Variants in GPM6A observed in about 807,000 individuals in gnomAD.
GPM6A encodes the protein glycoprotein M6A, also known as neuronal membrane glycoprotein M6-a.
In GPM6A, 7 loss-of-function variants were observed where a neutral mutation model predicts 32.1. That is an observed-to-expected ratio of 0.22 (90% CI 0.12 to 0.41). GPM6A has a LOEUF of 0.41. Among genes scored for constraint, GPM6A ranks in the 10% least tolerant of loss-of-function variants. The pLI, the probability that GPM6A is intolerant of heterozygous loss-of-function variation, is 1.00. For missense variants in GPM6A, 235 were observed against 347.2 expected, an observed-to-expected ratio of 0.68 and a Z score of 2.57; for synonymous variants, 130 against 123.4, an observed-to-expected ratio of 1.05 and a Z score of -0.35.
chr4:175,787,661 C>T (rs2111266599), intron 1 of GPM6A: 1 of 1,162,728 alleles, frequency 8.6e-7, no homozygotes, highest in Non-Finnish European at 1.1e-6. Context: ...CCTAGTCAGA[C>T]AAATTTAATA....
intron 1 of GPM6A, chr4:175,947,554 A>G (rs574148450): frequency 6.6e-6 from 1 of 152,300 alleles, no homozygotes; most frequent in African/African-American, 2.4e-5. Flanking sequence ...AAAGCACATC[A>G]TAAATCCCAC....
chr4:175,635,223 C>T (rs924800188), intron 6 of GPM6A, among the ~76,000 whole-genome samples, 166 bp from the exon 7 acceptor site: 1 of 152,092 alleles, frequency 6.6e-6, no homozygotes, highest in Non-Finnish European at 1.5e-5. Context: ...AATATATTTT[C>T]ATTCCTCCAA....
chr4:175,935,811 T>C (rs1017272041), intron 1 of GPM6A, among the ~76,000 whole-genome samples: 18 of 152,078 alleles, frequency 1.2e-4, no homozygotes, highest in African/African-American at 4.3e-4. Flanking sequence ...TTATAGTGGA[T>C]GTTCAAGAGT....
chr4:175,841,662 C>T (rs1447368572), intron 1 of GPM6A, among the ~76,000 whole-genome samples: 5 of 152,016 alleles, frequency 3.3e-5, no homozygotes, highest in Non-Finnish European at 5.9e-5. Flanking sequence ...AAAACATTTT[C>T]AATAAAAGGA....
chr4:175,762,290 A>G lies in GPM6A; in HGVS notation c.37+49901T>C, dbSNP rs374038117. Reference sequence around the variant, plus strand: ...CAACAAACACAAAAGAAATTCAGCCAAGAACATCTATAATTGGTATTAATA... The same window carrying G: ...CAACAAACACAAAAGAAATTCAGCCGAGAACATCTATAATTGGTATTAATA... On this transcript the variant is annotated intron_variant, in intron 1 of 6. Transcript: ENST00000393658. Among the ~76,000 whole-genome samples the G allele has an allele frequency of 7.9e-5, 12 of 152,326 alleles. No homozygotes were observed. In the East Asian group the frequency reaches 2.3e-3, roughly 29 times the overall value.
At chr4:175,874,075 A>G (rs1737002608) in intron 1 of GPM6A, among the ~76,000 whole-genome samples, 1 of 152,220 alleles carries the variant, frequency 6.6e-6, no homozygotes, top group Non-Finnish European at 1.5e-5. Context: ...GTGTAAAAAG[A>G]AAATGGTAAC....
chr4:175,800,009 C>T (rs1366766520), intron 1 of GPM6A, among the ~76,000 whole-genome samples: 1 of 151,716 alleles, frequency 6.6e-6, no homozygotes, highest in African/African-American at 2.4e-5. Flanking sequence ...CTTGTGGACC[C>T]TTAAATGGGA....
chr4:175,731,308 C>T (rs1303177446), intron 1 of GPM6A, among the ~76,000 whole-genome samples: 1 of 152,136 alleles, frequency 6.6e-6, no homozygotes, highest in Non-Finnish European at 1.5e-5. Flanking sequence ...TGCAGCACCC[C>T]AGTGCCTGCA....
intron 3 of GPM6A, among the ~76,000 whole-genome samples, chr4:175,664,387 A>G (rs1355950699): frequency 1.3e-5 from 2 of 152,184 alleles, no homozygotes; most frequent in African/African-American, 4.8e-5. Context: ...TAACAAATGT[A>G]CCACTCTGGT....
At chr4:175,932,887 G>A (rs1460395874) in intron 1 of GPM6A, among the ~76,000 whole-genome samples, 1 of 151,906 alleles carries the variant, frequency 6.6e-6, no homozygotes, top group African/African-American at 2.4e-5. Flanking sequence ...CTAAAAGTCA[G>A]GAGATAAGTA....
intron 1 of GPM6A, among the ~76,000 whole-genome samples, chr4:175,855,923 C>T (rs181707889): frequency 2.8e-4 from 43 of 152,290 alleles, no homozygotes; most frequent in Admixed American, 2.0e-3. Context: ...AACTAGCAAA[C>T]AGGAGCACGT....
At chr4:175,894,459 CCT>C (rs905851871) in intron 1 of GPM6A, among the ~76,000 whole-genome samples, 13 of 152,128 alleles carry the variant, frequency 8.5e-5, no homozygotes, top group African/African-American at 2.9e-4. Context: ...GAGTGACTCC[CCT>C]CTGAGGAAAT....
upstream of GPM6A, among the ~76,000 whole-genome samples, chr4:175,814,063 C>T (rs148656784): frequency 1.7e-3 from 257 of 152,340 alleles, no homozygotes; most frequent in African/African-American, 5.9e-3. Context: ...CTGACATAAC[C>T]TGGCATATAA....
intron 3 of GPM6A, among the ~76,000 whole-genome samples, chr4:175,661,179 A>G (rs1306705558): frequency 6.6e-6 from 1 of 152,220 alleles, no homozygotes; most frequent in African/African-American, 2.4e-5. Context: ...ATATCAAAGA[A>G]AAATATAATT....
At chr4:175,917,205 G>A (rs772382156) in intron 1 of GPM6A, among the ~76,000 whole-genome samples, 33 of 152,182 alleles carry the variant, frequency 2.2e-4, no homozygotes, top group African/African-American at 3.6e-4. Flanking sequence ...TAAAGCAAGC[G>A]AATGGGTCCC....
At chr4:175,681,193 G>C (rs569053432) in intron 2 of GPM6A, among the ~76,000 whole-genome samples, 43 of 152,240 alleles carry the variant, frequency 2.8e-4, no homozygotes, top group African/African-American at 9.1e-4. Context: ...TATAGGTCTT[G>C]TACCATTTTG....
chr4:175,832,531 A>G (rs970550404), intron 1 of GPM6A, among the ~76,000 whole-genome samples: 1 of 152,058 alleles, frequency 6.6e-6, no homozygotes, highest in Non-Finnish European at 1.5e-5. Context: ...AACGTTATCT[A>G]CCCACAGGAG....
At chr4:175,774,607 G>C (rs543812529) in intron 1 of GPM6A, among the ~76,000 whole-genome samples, 4 of 152,032 alleles carry the variant, frequency 2.6e-5, no homozygotes, top group Non-Finnish European at 5.9e-5. Context: ...GAGTTTATTA[G>C]ATAAAATAAG....
At chr4:175,999,086 T>C (rs143064823) in intron 1 of GPM6A, among the ~76,000 whole-genome samples, 1 of 152,188 alleles carries the variant, frequency 6.6e-6, no homozygotes, top group African/African-American at 2.4e-5. Context: ...ACCACTCCCA[T>C]TAAACTTTTC....
Sources: gnomAD v4.1 joint callset for allele counts (sites outside exome capture counted in the v4.1 genomes callset) on GRCh38, gnomAD v4.1.1 for gene constraint, MANE v1.5 for transcripts, NCBI Gene and HGNC (gene_info 2026-07-23, HGNC 2026-07-21) for gene names.